GSG1L: variants seen among roughly 807,000 people sequenced by gnomAD.
The protein encoded by GSG1L is germ cell-specific gene 1-like protein.
In GSG1L, 24 loss-of-function variants were observed where a neutral mutation model predicts 42.1. The observed-to-expected ratio is 0.57, with a 90% CI of 0.41 to 0.80. The LOEUF (loss-of-function observed/expected upper bound fraction) is 0.80. GSG1L is among the 30% of genes least tolerant of loss of function. The probability of loss-of-function intolerance (pLI) is 0.00; values close to 1 mark genes in which losing one functional copy is unlikely to be tolerated. For synonymous variants in GSG1L, 215 were observed against 203.5 expected, an observed-to-expected ratio of 1.06 and a Z score of -0.48; for missense variants, 445 against 472.2, an observed-to-expected ratio of 0.94 and a Z score of 0.53.
At chr16:28,013,764 G>C (rs1027968776) in intron 1 of GSG1L, among the ~76,000 whole-genome samples, 2 of 152,252 alleles carry the variant, frequency 1.3e-5, no homozygotes, top group African/African-American at 4.8e-5. Context: ...GTACACCAAA[G>C]CTGGTTTCTC....
At chr16:27,803,726 C>T (rs1209529910) in intron 6 of GSG1L, among the ~76,000 whole-genome samples, 2 of 148,758 alleles carry the variant, frequency 1.3e-5, no homozygotes, top group East Asian at 2.0e-4. Flanking sequence ...CTCCTGGTCT[C>T]GAGTTTGGCT....
intron 2 of GSG1L, among the ~76,000 whole-genome samples, chr16:27,906,050 G>A (rs1389269845): frequency 2.6e-5 from 4 of 152,200 alleles, no homozygotes; most frequent in Admixed American, 2.0e-4. Context: ...GAGAATCCAC[G>A]GGAATATACA....
intron 2 of GSG1L, among the ~76,000 whole-genome samples, chr16:27,938,380 T>C: frequency 1.0e-5 from 1 of 95,682 alleles, no homozygotes; most frequent in African/African-American, 3.4e-5. Context: ...AGAGCGAGAC[T>C]CCATTAAAAA....
At chr16:27,916,693 C>T (rs74015148) in intron 2 of GSG1L, among the ~76,000 whole-genome samples, 2,469 of 152,128 alleles carry the variant, frequency 0.016, 63 homozygotes, top group African/African-American at 0.056. Context: ...AGGCTCTGTT[C>T]CCAGGGAAGC....
chr16:28,025,576 G>C lies in GSG1L; in HGVS notation c.349+37500C>G, dbSNP rs538752382. 3.9e-5 allele frequency among the ~76,000 whole-genome samples: 6 copies of C among 152,364 alleles called. No individual in the cohort carries two copies. In the South Asian group the frequency reaches 1.2e-3, roughly 32 times the overall value. On this transcript the variant is annotated intron_variant, in intron 1 of 6. Transcript: ENST00000447459. The stretch of plus-strand genomic sequence containing the variant: ...CTGCTGGGCCCAGGCTAGAAGGGCT[G>C]ACTGTATCTTAATCATCTCTGTCAC...
intron 2 of GSG1L, among the ~76,000 whole-genome samples, chr16:27,927,597 A>G (rs2084609327): frequency 6.6e-6 from 1 of 152,064 alleles, no homozygotes; most frequent in African/African-American, 2.4e-5. Flanking sequence ...GGGCCTTTGT[A>G]CATGCCAATC....
At chr16:28,039,563 A>G (rs1446055528) in intron 1 of GSG1L, among the ~76,000 whole-genome samples, 4 of 152,180 alleles carry the variant, frequency 2.6e-5, no homozygotes, top group East Asian at 1.9e-4. Context: ...GCATGCACAC[A>G]TATGTGCACA....
chr16:28,026,136 G>A (rs905802789), intron 1 of GSG1L, among the ~76,000 whole-genome samples: 4 of 152,300 alleles, frequency 2.6e-5, no homozygotes, highest in East Asian at 1.9e-4. Context: ...TGGGCCTGCC[G>A]TGACTTCATT....
chr16:27,791,959 G>C (rs973306274), intron 6 of GSG1L, among the ~76,000 whole-genome samples: 1 of 151,642 alleles, frequency 6.6e-6, no homozygotes. Flanking sequence ...TGACAGCCAC[G>C]ACAGCACCCC....
chr16:27,927,288 C>G (rs1359757730), intron 2 of GSG1L, among the ~76,000 whole-genome samples: 1 of 151,966 alleles, frequency 6.6e-6, no homozygotes, highest in Non-Finnish European at 1.5e-5. Context: ...TAGCTGGGAC[C>G]ACGGGTACGT....
intron 3 of GSG1L, among the ~76,000 whole-genome samples, chr16:27,847,574 G>A (rs895911683): frequency 2.0e-5 from 3 of 152,226 alleles, no homozygotes; most frequent in Admixed American, 2.0e-4. Context: ...AGAGAGAGCC[G>A]AGCTTCCAGC....
At chr16:27,936,618 A>G (rs1322738443) in intron 2 of GSG1L, among the ~76,000 whole-genome samples, 1 of 152,278 alleles carries the variant, frequency 6.6e-6, no homozygotes, top group Admixed American at 6.5e-5. Flanking sequence ...ATTCATTGCA[A>G]ATTACCCAGA....
At chr16:27,882,387 G>A (rs1488256779) in intron 3 of GSG1L, among the ~76,000 whole-genome samples, 2 of 151,934 alleles carry the variant, frequency 1.3e-5, no homozygotes, top group Non-Finnish European at 2.9e-5. Flanking sequence ...ATGCAAACCC[G>A]ACCGTGTTGC....
intron 1 of GSG1L, among the ~76,000 whole-genome samples, chr16:27,983,088 A>G (rs1385447599): frequency 6.6e-6 from 1 of 152,186 alleles, no homozygotes; most frequent in Non-Finnish European, 1.5e-5. Context: ...TAATCCCAGC[A>G]CTTTGGGAGG....
At chr16:28,045,891 G>A (rs905663231) in intron 1 of GSG1L, among the ~76,000 whole-genome samples, 2 of 152,048 alleles carry the variant, frequency 1.3e-5, no homozygotes, top group Non-Finnish European at 2.9e-5. Flanking sequence ...AGTTACTCAG[G>A]AGTCTGAAGC....
intron 2 of GSG1L, among the ~76,000 whole-genome samples, chr16:27,910,126 C>CAT: frequency 7.3e-6 from 1 of 136,942 alleles, no homozygotes; most frequent in South Asian, 2.4e-4. Flanking sequence ...TGCCTGGCTA[C>CAT]TTTTTTTTTT....
At chr16:27,972,769 G>A (rs1010518761) in intron 1 of GSG1L, among the ~76,000 whole-genome samples, 4 of 152,322 alleles carry the variant, frequency 2.6e-5, no homozygotes, top group Middle Eastern at 3.4e-3. Context: ...GATTTCATTG[G>A]TCAGGGTGGA....
chr16:27,909,997 T>G (rs2084367774), intron 2 of GSG1L, among the ~76,000 whole-genome samples: 1 of 148,732 alleles, frequency 6.7e-6, no homozygotes, highest in South Asian at 2.2e-4. Flanking sequence ...TCTTGCTCTG[T>G]CACCCAGGCT....
chr16:28,029,378 GTGTC>G lies in GSG1L; in HGVS notation c.349+33694_349+33697del, dbSNP rs533767443. 3.9e-5 allele frequency among the ~76,000 whole-genome samples: 6 copies of G among 152,328 alleles called. No homozygotes were observed. In the South Asian group the frequency reaches 1.0e-3, roughly 26 times the overall value. Reference sequence around the variant, plus strand: ...ATCATTCTGAATTATCTTTGTTTTTGTGTCTGTCTGTCTCACTATGTTTTGCTCT... The same window carrying G: ...ATCATTCTGAATTATCTTTGTTTTTGTGTCTGTCTCACTATGTTTTGCTCT... On this transcript the variant is annotated intron_variant, in intron 1 of 6. Transcript: ENST00000447459.
Sources: gnomAD v4.1 joint callset for allele counts (sites outside exome capture counted in the v4.1 genomes callset) on GRCh38, gnomAD v4.1.1 for gene constraint, MANE v1.5 for transcripts, NCBI Gene and HGNC (gene_info 2026-07-23, HGNC 2026-07-21) for gene names.